Variants in MPZL3 observed in about 807,000 individuals in gnomAD.
MPZL3 encodes myelin protein zero-like protein 3.
A neutral mutation model predicts 24.8 loss-of-function variants in MPZL3; 23 were observed. The ratio of observed to expected loss-of-function variants is 0.93; its 90% confidence interval spans 0.67 to 1.31. The LOEUF is 1.31. MPZL3 is among the 40% of genes most tolerant of loss of function. The pLI is 0.00. For missense variants in MPZL3, 277 were observed against 294.9 expected, an observed-to-expected ratio of 0.94 and a Z score of 0.44; for synonymous variants, 99 against 106.5, an observed-to-expected ratio of 0.93 and a Z score of 0.44.
At chr11:118,234,975 G>T (rs887706955) in intron 4 of MPZL3, among the ~76,000 whole-genome samples, 3 of 151,816 alleles carry the variant, frequency 2.0e-5, no homozygotes, top group African/African-American at 7.3e-5. Flanking sequence ...CAGAATATAT[G>T]CGGACCAAGA....
chr11:118,246,343 A>G (rs533696677), intron 1 of MPZL3, among the ~76,000 whole-genome samples: 1 of 152,096 alleles, frequency 6.6e-6, no homozygotes, highest in African/African-American at 2.4e-5. Flanking sequence ...ACTCTCTTGA[A>G]TATCACCCCC....
At chr11:118,245,170 G>A (rs1949544848) in intron 1 of MPZL3, among the ~76,000 whole-genome samples, 1 of 151,996 alleles carries the variant, frequency 6.6e-6, no homozygotes, top group African/African-American at 2.4e-5. Context: ...AGGCAGAGGT[G>A]GGTGGATCAC....
intron 1 of MPZL3, among the ~76,000 whole-genome samples, chr11:118,246,614 T>C (rs1185005306): frequency 2.3e-5 from 3 of 130,662 alleles, no homozygotes; most frequent in African/African-American, 9.3e-5. Flanking sequence ...AGACAGGGCA[T>C]CACTCTGTTG....
chr11:118,232,426 T>A (rs1001083060), intron 5 of MPZL3, among the ~76,000 whole-genome samples: 33 of 152,060 alleles, frequency 2.2e-4, no homozygotes, highest in Admixed American at 7.2e-4. Context: ...TGTACCCCAA[T>A]TCAACAGAGT....
chr11:118,240,440 T>C, intron 1 of MPZL3, 63 bp from the exon 2 acceptor site: 1 of 1,491,060 alleles, frequency 6.7e-7, no homozygotes, highest in Non-Finnish European at 8.9e-7. Context: ...CAGATGTGAG[T>C]GAACAATTAT....
At chr11:118,243,177 C>T (rs1279106791) in intron 1 of MPZL3, among the ~76,000 whole-genome samples, 6 of 152,158 alleles carry the variant, frequency 3.9e-5, no homozygotes, top group African/African-American at 1.4e-4. Context: ...GAGTCCTCAA[C>T]GAGGCCTGGC....
intron 1 of MPZL3, among the ~76,000 whole-genome samples, chr11:118,244,872 C>T (rs1373082935): frequency 3.9e-5 from 6 of 152,048 alleles, no homozygotes; most frequent in South Asian, 2.1e-4. Flanking sequence ...TTCAGGAGAT[C>T]GAGACCATCC....
Position 118,247,345 on chromosome 11 carries a change from C to T in MPZL3, c.73+4877G>A, listed in dbSNP as rs926847360. On this transcript the variant is annotated intron_variant, in intron 1 of 5. Coordinates refer to ENST00000278949, the MANE Select transcript of MPZL3 (RefSeq NM_198275.3). ...AACCAATCATTACATCTAGTGGTGTCCTGGTAAACAGCAGAACATTTTTAC... is the reference window on the plus strand; with the variant it reads ...AACCAATCATTACATCTAGTGGTGTTCTGGTAAACAGCAGAACATTTTTAC... 1.2e-4 allele frequency among the ~76,000 whole-genome samples: 18 copies of T among 152,190 alleles called. No homozygotes were observed. The South Asian group carries it at 3.5e-3, about 30-fold the overall frequency.
At chr11:118,247,073 C>T (rs1188983086) in intron 1 of MPZL3, among the ~76,000 whole-genome samples, 1 of 152,084 alleles carries the variant, frequency 6.6e-6, no homozygotes, top group Non-Finnish European at 1.5e-5. Flanking sequence ...GATCATGGCA[C>T]CAAGAGAGGG....
chr11:118,237,018 C>T (rs760441737), intron 3 of MPZL3, 32 bp downstream of exon 3: 3 of 1,594,706 alleles, frequency 1.9e-6, no homozygotes. Flanking sequence ...TCACAGAGCA[C>T]TGCAGAAGAA....
intron 1 of MPZL3, among the ~76,000 whole-genome samples, chr11:118,249,042 T>TTTTGTTTGTTTG (rs10657996): frequency 6.6e-6 from 1 of 151,276 alleles, no homozygotes; most frequent in Non-Finnish European, 1.5e-5. Flanking sequence ...TCGGTTTGTT[T>TTTTGTTTGTTTG]TTTGTTTGTT....
At chr11:118,251,237 G>A (rs1949617153) in intron 1 of MPZL3, among the ~76,000 whole-genome samples, 1 of 151,942 alleles carries the variant, frequency 6.6e-6, no homozygotes, top group Non-Finnish European at 1.5e-5. Flanking sequence ...GCAGCTGGGA[G>A]GGATCGGGGG....
rs765490179 is a variant in MPZL3, at chr11:118,240,347, C to T, written c.104G>A (p.Arg35His). Reference protein sequence around the residue: ...GVYIVFSLEIRADAHVRGYVG... With the variant: ...GVYIVFSLEIHADAHVRGYVG... ...ATAACCTCGGACATGGGCATCTGCACGAATCTCCAAGGAAAAGACGATATA... is the reference window on the plus strand; with the variant it reads ...ATAACCTCGGACATGGGCATCTGCATGAATCTCCAAGGAAAAGACGATATA... Residue 35 changes from arginine to histidine, a missense_variant, in exon 2 of 6, where the codon CGT becomes CAT. Physicochemically the swap from Arg to His is conservative, Grantham distance 29. Transcript: ENST00000278949. 6.2e-6 allele frequency: 10 copies of T among 1,606,510 alleles called. No individual in the cohort carries two copies. Among genetic ancestry groups the T allele is most frequent in the East Asian group, 2.2e-5 (1 of 44,446 alleles).
chr11:118,242,968 C>G (rs1949515287), intron 1 of MPZL3, among the ~76,000 whole-genome samples: 2 of 152,188 alleles, frequency 1.3e-5, no homozygotes, highest in East Asian at 3.8e-4. Context: ...ACAAAGCATG[C>G]TTGTAAATCA....
intron 3 of MPZL3, among the ~76,000 whole-genome samples, chr11:118,236,800 A>C (rs191686373): frequency 6.6e-6 from 1 of 152,328 alleles, no homozygotes; most frequent in African/African-American, 2.4e-5. Flanking sequence ...GGTCACCTAA[A>C]GTTAAAATTA....
intron 1 of MPZL3, among the ~76,000 whole-genome samples, chr11:118,251,406 A>G (rs1027800190): frequency 3.9e-5 from 6 of 152,040 alleles, no homozygotes; most frequent in South Asian, 4.1e-4. Flanking sequence ...AATTTTATAA[A>G]TTTAGCAATT....
intron 5 of MPZL3, among the ~76,000 whole-genome samples, chr11:118,230,913 A>T (rs1374261860): frequency 6.6e-6 from 1 of 152,156 alleles, no homozygotes; most frequent in Non-Finnish European, 1.5e-5. Context: ...GTCTTGCAGC[A>T]TCAATTTTTT....
At chr11:118,250,747 A>AT (rs1426614098) in intron 1 of MPZL3, among the ~76,000 whole-genome samples, 3 of 151,218 alleles carry the variant, frequency 2.0e-5, no homozygotes, top group African/African-American at 4.9e-5. Context: ...CGCCTGGCTA[A>AT]TTTTTTTTGT....
intron 1 of MPZL3, 82 bp downstream of exon 1, chr11:118,252,139 AC>A (rs35597573): frequency 8.9e-5 from 125 of 1,407,792 alleles, no homozygotes; most frequent in Non-Finnish European, 1.2e-4. Flanking sequence ...CTTTCTGGAG[AC>A]CCCCCTACCC....
Sources: allele counts gnomAD v4.1 joint callset (sites outside exome capture counted in the v4.1 genomes callset), GRCh38; gene constraint gnomAD v4.1.1; transcripts MANE v1.5; gene names NCBI Gene and HGNC (gene_info 2026-07-23, HGNC 2026-07-21).